The following PCBP3 variants were observed in gnomAD, a reference collection of about 807,000 sequenced individuals.
The protein encoded by PCBP3 is poly(rC)-binding protein 3.
Under a neutral mutation model 52.7 loss-of-function variants are expected in PCBP3, and 25 were observed. That is an observed-to-expected ratio of 0.47 (90% confidence interval 0.35 to 0.66). The LOEUF (loss-of-function observed/expected upper bound fraction) is 0.66, where lower values mean the gene tolerates loss of function less well. PCBP3 is among the 30% of genes least tolerant of loss of function. The pLI, the probability that PCBP3 is intolerant of heterozygous loss-of-function variation, is 0.01. For synonymous variants in PCBP3, 162 were observed against 183.0 expected (o/e 0.89, Z 0.93); for missense variants, 391 against 490.3 (o/e 0.80, Z 1.91).
At chr21:45,914,143 C>T (rs1450134822) in intron 12 of PCBP3, 118 bp downstream of exon 12, 21 of 1,538,836 alleles carry the variant, frequency 1.4e-5, no homozygotes, top group East Asian at 2.5e-5. Flanking sequence ...GTCTCCCACC[C>T]GTGCTGGAGG....
intron 2 of PCBP3, among the ~76,000 whole-genome samples, chr21:45,727,013 A>C (rs532546291): frequency 1.3e-5 from 2 of 152,192 alleles, no homozygotes; most frequent in Non-Finnish European, 2.9e-5. Flanking sequence ...GAAGATGAAA[A>C]GTTTTAAAAT....
intron 3 of PCBP3, chr21:45,749,702 C>T (rs2087238838): frequency 6.6e-6 from 1 of 152,162 alleles, no homozygotes; most frequent in East Asian, 1.9e-4. Context: ...AGACATTGGT[C>T]CCTGAGGAGT....
chr21:45,712,853 A>G (rs1392332705), intron 2 of PCBP3, among the ~76,000 whole-genome samples: 1 of 152,102 alleles, frequency 6.6e-6, no homozygotes. Flanking sequence ...ACCTGTACAC[A>G]CCACCATGCC....
chr21:45,926,355 T>C (rs901829926), intron 13 of PCBP3, among the ~76,000 whole-genome samples: 1 of 152,272 alleles, frequency 6.6e-6, no homozygotes, highest in African/African-American at 2.4e-5. Flanking sequence ...ACAACTGTGT[T>C]ACTGGTTTGT....
At position 45,675,382 on chromosome 21, in the gene PCBP3, C is replaced by T. The variant is rs527764802; in HGVS notation, c.-200+6430C>T. 7.2e-5 allele frequency among the ~76,000 whole-genome samples: 11 copies of T among 152,246 alleles called. No homozygotes were observed. The South Asian group carries it at 2.3e-3, about 32-fold the overall frequency. ...AGACAGGCAGGTACCACCTAGGGAACCCACAGGCAAGGCCCAAATGCTCTT... is the reference window on the plus strand; with the variant it reads ...AGACAGGCAGGTACCACCTAGGGAATCCACAGGCAAGGCCCAAATGCTCTT... On this transcript the variant is annotated intron_variant, in intron 2 of 17. Transcript: ENST00000681687.
chr21:45,645,809 G>C (rs2079211755), intron 1 of PCBP3, among the ~76,000 whole-genome samples: 1 of 152,156 alleles, frequency 6.6e-6, no homozygotes, highest in African/African-American at 2.4e-5. Flanking sequence ...TTGTAAAGGT[G>C]AACACTGAAA....
intron 4 of PCBP3, among the ~76,000 whole-genome samples, chr21:45,832,897 C>T (rs553568426): frequency 2.6e-5 from 4 of 152,200 alleles, no homozygotes; most frequent in South Asian, 2.1e-4. Context: ...GAAGTGTGGG[C>T]GAAGGAGGAA....
At chr21:45,923,840 G>C (rs1256012832) in intron 13 of PCBP3, among the ~76,000 whole-genome samples, 1 of 147,230 alleles carries the variant, frequency 6.8e-6, no homozygotes, top group Non-Finnish European at 1.5e-5. Context: ...CGAACACCGG[G>C]AACAGTCGAG....
intron 5 of PCBP3, among the ~76,000 whole-genome samples, chr21:45,879,871 T>C (rs959508294): frequency 1.4e-4 from 21 of 151,952 alleles, no homozygotes; most frequent in Non-Finnish European, 2.8e-4. Context: ...CAAACAATAA[T>C]GTAAGCTTCC....
At position 45,917,351 on chromosome 21, in the gene PCBP3, C is replaced by G; in HGVS notation, c.676-237C>G. The G allele has an allele frequency of 1.5e-5, 5 of 328,712 alleles. No individual in the cohort carries two copies. The highest frequency in any genetic ancestry group is 6.5e-5 in the East Asian group (1 of 15,434). 20.4% of individuals were successfully genotyped at this position (328,712 alleles called of 1,614,324 possible). A position where few individuals can be genotyped will look rare whatever the true frequency, so the allele number is the denominator to read the frequency against. ...AGCATCAAGGCTGAACTGTTTCCCTCCCACCCGCTGAACTGGCCAGCTCAG... is the reference window on the plus strand; with the variant it reads ...AGCATCAAGGCTGAACTGTTTCCCTGCCACCCGCTGAACTGGCCAGCTCAG... On this transcript the variant is annotated intron_variant, in intron 12 of 17. Transcript: ENST00000681687. The surrounding 1 kb of genome is among the most constrained non-coding windows in gnomAD (Gnocchi z 5.3).
intron 5 of PCBP3, chr21:45,872,263 T>C (rs1387402484): frequency 2.0e-5 from 3 of 152,240 alleles, no homozygotes; most frequent in Non-Finnish European, 4.4e-5. Flanking sequence ...TCTCAAGTAA[T>C]CGGAGGCTCG....
chr21:45,852,250 A>G (rs966942054), intron 5 of PCBP3, among the ~76,000 whole-genome samples: 2 of 152,236 alleles, frequency 1.3e-5, no homozygotes, highest in African/African-American at 4.8e-5. Flanking sequence ...AATAAAGCTT[A>G]AAAAAAGCTG....
chr21:45,939,964 C>T, intron 16 of PCBP3, 66 bp from the exon 17 acceptor site: 1 of 1,481,096 alleles, frequency 6.8e-7, no homozygotes, highest in Non-Finnish European at 9.3e-7. Context: ...CTCGGGCGCA[C>T]TGCCCACAGT....
intron 2 of PCBP3, among the ~76,000 whole-genome samples, chr21:45,676,920 T>A (rs1242189105): frequency 6.6e-6 from 1 of 151,976 alleles, no homozygotes; most frequent in Non-Finnish European, 1.5e-5. Flanking sequence ...TACAGATGCA[T>A]GCCACCATGC....
At chr21:45,643,974 A>T (rs1188754421) in intron 1 of PCBP3, 106 bp downstream of exon 1, 1 of 148,600 alleles carries the variant, frequency 6.7e-6, no homozygotes, top group Non-Finnish European at 1.5e-5. Context: ...GGCCGCGGCA[A>T]ACTTCGCCCG....
intron 2 of PCBP3, among the ~76,000 whole-genome samples, chr21:45,697,938 G>A (rs886554388): frequency 6.6e-6 from 1 of 152,042 alleles, no homozygotes; most frequent in South Asian, 2.1e-4. Flanking sequence ...ATATCACACA[G>A]GCTGAAACAT....
In PCBP3 at chr21:45,785,794, A is replaced by C. The variant is rs2091103644; in HGVS notation, c.-126+30342A>C. Among the ~76,000 whole-genome samples the C allele has an allele frequency of 2.7e-5, 4 of 150,590 alleles. 1 individual carries two copies. Among genetic ancestry groups the C allele is most frequent in the Middle Eastern group, 6.9e-3 (2 of 290 alleles). ...TTTCATTTTGTTCTGTACTAGAAAA[A>C]TTCTTCTGCCTTGGGATCCTGTTGA... On this transcript the variant is annotated intron_variant, in intron 4 of 17. Coordinates refer to ENST00000681687, the MANE Select transcript of PCBP3 (RefSeq NM_001384156.1).
intron 4 of PCBP3, among the ~76,000 whole-genome samples, chr21:45,797,822 C>T (rs2092051193): frequency 8.6e-5 from 1 of 11,694 alleles, no homozygotes; most frequent in African/African-American, 4.7e-4. Context: ...TGGACAGATG[C>T]ATGTATCCAT....
At chr21:45,770,725 C>G (rs60979483) in intron 4 of PCBP3, among the ~76,000 whole-genome samples, 2,688 of 152,344 alleles carry the variant, frequency 0.018, 76 homozygotes, top group African/African-American at 0.062. Context: ...TGTGTGCACA[C>G]CAGTTCTGGG....
Sources: allele counts gnomAD v4.1 joint callset (sites outside exome capture counted in the v4.1 genomes callset), GRCh38; gene constraint gnomAD v4.1.1; non-coding constraint Gnocchi (gnomAD v3.1); transcripts MANE v1.5; gene names NCBI Gene and HGNC (gene_info 2026-07-23, HGNC 2026-07-21).